LYZL4: variants seen among roughly 807,000 people sequenced by gnomAD.
The protein encoded by LYZL4 is lysozyme-like protein 4.
LYZL4 carries 13 observed loss-of-function variants against 17.6 expected under a neutral mutation model. The observed-to-expected ratio is 0.74, with a 90% CI of 0.48 to 1.18. The LOEUF is 1.18. LYZL4 is among the 50% of genes most tolerant of loss of function. The probability of loss-of-function intolerance (pLI) is 0.00; values close to 1 mark genes in which losing one functional copy is unlikely to be tolerated. For synonymous variants in LYZL4, 64 were observed against 67.7 expected (o/e 0.95, Z 0.27); for missense variants, 174 against 188.2 (o/e 0.92, Z 0.44).
At chr3:42,385,626 A>G in the LYZL4 span, among the ~76,000 whole-genome samples, 1 of 152,204 alleles carries the variant, frequency 6.6e-6, no homozygotes, top group Non-Finnish European at 1.5e-5. Context: ...ACTCAGCACC[A>G]TGGGAGGCCC....
chr3:42,397,083 T>C lies in LYZL4; in HGVS notation c.*182A>G. 1 of 512,154 alleles carries C rather than the reference T, an allele frequency of 2.0e-6. No homozygotes were observed. Among genetic ancestry groups the C allele is most frequent in the Non-Finnish European group, 3.6e-6 (1 of 277,728 alleles). 31.7% of individuals were successfully genotyped at this position (512,154 alleles called of 1,614,324 possible). A position where few individuals can be genotyped will look rare whatever the true frequency, so the allele number is the denominator to read the frequency against. Reference sequence around the variant, plus strand: ...TCAAAGCAGAGACCTTTGGCCCAAGTTGAGTAACTAGTTTGGTTTATTCTG... The same window carrying C: ...TCAAAGCAGAGACCTTTGGCCCAAGCTGAGTAACTAGTTTGGTTTATTCTG... On this transcript the variant is annotated 3_prime_UTR_variant, in exon 5 of 5. Transcript: ENST00000287748.
chr3:42,367,911 C>T, the LYZL4 span, among the ~76,000 whole-genome samples: 1 of 152,238 alleles, frequency 6.6e-6, no homozygotes, highest in Admixed American at 6.5e-5. Flanking sequence ...CACCTACAGT[C>T]TTCTGCAAGA....
At chr3:42,380,171 T>C in the LYZL4 span, among the ~76,000 whole-genome samples, 5 of 152,230 alleles carry the variant, frequency 3.3e-5, no homozygotes, top group African/African-American at 9.6e-5. Flanking sequence ...GGCTGGAACC[T>C]AAGACAGATC....
the LYZL4 span, among the ~76,000 whole-genome samples, chr3:42,382,903 G>A: frequency 4.6e-5 from 7 of 152,134 alleles, no homozygotes; most frequent in East Asian, 5.9e-4. Context: ...AGACACAGCC[G>A]GAGTTGCCCC....
chr3:42,366,060 G>T, the LYZL4 span, among the ~76,000 whole-genome samples: 3 of 152,004 alleles, frequency 2.0e-5, no homozygotes, highest in East Asian at 5.8e-4. Flanking sequence ...TGGGGTTAGG[G>T]AGTGGGGGAT....
chr3:42,366,904 T>C, the LYZL4 span, among the ~76,000 whole-genome samples: 1 of 152,228 alleles, frequency 6.6e-6, no homozygotes, highest in African/African-American at 2.4e-5. Flanking sequence ...TGTCTCCCCA[T>C]GAGACCTAGA....
intron 3 of LYZL4, among the ~76,000 whole-genome samples, chr3:42,405,536 T>C (rs1017203581): frequency 2.0e-5 from 3 of 152,182 alleles, no homozygotes; most frequent in Non-Finnish European, 2.9e-5. Flanking sequence ...ATGAGAAGGC[T>C]GCAGGCCTTC....
intron 4 of LYZL4, among the ~76,000 whole-genome samples, chr3:42,401,675 T>G (rs4682919): frequency 0.024 from 3,688 of 152,132 alleles, 114 homozygotes; most frequent in African/African-American, 0.065. Flanking sequence ...AATTTTTAAG[T>G]CAGGTGGATA....
At chr3:42,402,700 T>C (rs1237482408) in intron 4 of LYZL4, among the ~76,000 whole-genome samples, 1 of 152,240 alleles carries the variant, frequency 6.6e-6, no homozygotes, top group Non-Finnish European at 1.5e-5. Context: ...TTTAGAAAAC[T>C]GTTTGACACA....
the LYZL4 span, among the ~76,000 whole-genome samples, chr3:42,361,341 G>A: frequency 6.6e-6 from 1 of 152,254 alleles, no homozygotes; most frequent in Non-Finnish European, 1.5e-5. Flanking sequence ...CAAACCAAGG[G>A]TGAAGATACA....
chr3:42,360,790 T>TA, the LYZL4 span, among the ~76,000 whole-genome samples: 1 of 152,040 alleles, frequency 6.6e-6, no homozygotes, highest in Non-Finnish European at 1.5e-5. Flanking sequence ...GTTTTTTTTT[T>TA]ACTCTTGGAA....
At chr3:42,391,112 A>T in the LYZL4 span, among the ~76,000 whole-genome samples, 1 of 152,196 alleles carries the variant, frequency 6.6e-6, no homozygotes, top group Admixed American at 6.5e-5. Context: ...GTGAGGATAA[A>T]GAAGTCTGCA....
chr3:42,397,630 C>T (rs1287386543), intron 4 of LYZL4, among the ~76,000 whole-genome samples: 1 of 152,110 alleles, frequency 6.6e-6, no homozygotes, highest in Admixed American at 6.5e-5. Context: ...GAAATTCTCC[C>T]CCAACCCTGC....
intron 3 of LYZL4, among the ~76,000 whole-genome samples, chr3:42,405,531 A>G (rs951820403): frequency 6.6e-6 from 1 of 152,156 alleles, no homozygotes; most frequent in Non-Finnish European, 1.5e-5. Flanking sequence ...GCCACATGAG[A>G]AGGCTGCAGG....
downstream of LYZL4, among the ~76,000 whole-genome samples, chr3:42,396,092 CT>C (rs1362319646): frequency 2.6e-5 from 4 of 152,010 alleles, no homozygotes; most frequent in Non-Finnish European, 5.9e-5. Context: ...AAGAAAACAT[CT>C]AAGAGTAGAG....
the LYZL4 span, among the ~76,000 whole-genome samples, chr3:42,379,398 A>T: frequency 1.3e-5 from 2 of 152,198 alleles, no homozygotes; most frequent in African/African-American, 4.8e-5. Context: ...GCACAATGTA[A>T]CTTCCACTGT....
the LYZL4 span, among the ~76,000 whole-genome samples, chr3:42,384,638 G>A: frequency 2.0e-5 from 3 of 152,286 alleles, no homozygotes; most frequent in South Asian, 2.1e-4. Flanking sequence ...ACAATGCTTC[G>A]CTAAAGAAGA....
chr3:42,385,500 G>A, the LYZL4 span, among the ~76,000 whole-genome samples: 6 of 152,260 alleles, frequency 3.9e-5, no homozygotes, highest in Non-Finnish European at 5.9e-5. Flanking sequence ...AATACATTCC[G>A]TGATATTCAC....
At chr3:42,405,678 C>T (rs138218286) in intron 3 of LYZL4, among the ~76,000 whole-genome samples, 3,931 of 152,142 alleles carry the variant, frequency 0.026, 65 homozygotes, top group Non-Finnish European at 0.042. Flanking sequence ...GCAGGAAGAC[C>T]GCCTCAGATG....
Sources: gnomAD v4.1 joint callset for allele counts (sites outside exome capture counted in the v4.1 genomes callset) on GRCh38, gnomAD v4.1.1 for gene constraint, MANE v1.5 for transcripts, NCBI Gene and HGNC (gene_info 2026-07-23, HGNC 2026-07-21) for gene names.